The following CFAP299 variants were observed in gnomAD, a reference collection of about 807,000 sequenced individuals.
CFAP299 encodes cilia- and flagella-associated protein 299.
CFAP299 carries 21 observed loss-of-function variants against 27.0 expected under a neutral mutation model. That is an observed-to-expected ratio of 0.78 (90% CI 0.55 to 1.12). The LOEUF is 1.12. Among genes scored for constraint, CFAP299 ranks in the 50% most tolerant of loss-of-function variants. The pLI is 0.00. For synonymous variants in CFAP299, 104 were observed against 98.1 expected (o/e 1.06, Z -0.36); for missense variants, 310 against 276.6 (o/e 1.12, Z -0.86).
intron 3 of CFAP299, among the ~76,000 whole-genome samples, chr4:80,673,587 G>T (rs1199633613): frequency 1.3e-5 from 2 of 152,008 alleles, no homozygotes; most frequent in African/African-American, 4.8e-5. Context: ...TCTTGGTCTT[G>T]TTGATCTGTC....
At chr4:80,736,914 A>G (rs1723923794) in intron 3 of CFAP299, among the ~76,000 whole-genome samples, 1 of 152,188 alleles carries the variant, frequency 6.6e-6, no homozygotes, top group Admixed American at 6.5e-5. Flanking sequence ...GAACCAACCC[A>G]AATGTCCAAC....
intron 3 of CFAP299, among the ~76,000 whole-genome samples, chr4:80,799,056 A>G (rs1221582405): frequency 6.8e-6 from 1 of 146,510 alleles, no homozygotes; most frequent in Non-Finnish European, 1.5e-5. Flanking sequence ...TGTATTAGTC[A>G]GGGGTTCTGT....
At chr4:80,721,623 T>A (rs1722817225) in intron 3 of CFAP299, among the ~76,000 whole-genome samples, 1 of 152,194 alleles carries the variant, frequency 6.6e-6, no homozygotes, top group Admixed American at 6.5e-5. Flanking sequence ...ACATATGAAT[T>A]TTGGGGGGAA....
intron 2 of CFAP299, among the ~76,000 whole-genome samples, chr4:80,527,084 G>A (rs992930404): frequency 3.3e-5 from 5 of 152,116 alleles, no homozygotes; most frequent in Admixed American, 6.6e-5. Context: ...GCACACAAGT[G>A]CTTAATAGAA....
intron 3 of CFAP299, among the ~76,000 whole-genome samples, chr4:80,724,139 T>C (rs1264392208): frequency 2.0e-5 from 3 of 152,158 alleles, no homozygotes; most frequent in Non-Finnish European, 4.4e-5. Context: ...TCATTACAAA[T>C]TTGACTATAA....
At chr4:80,450,366 G>T (rs1728840111) in intron 2 of CFAP299, among the ~76,000 whole-genome samples, 1 of 152,130 alleles carries the variant, frequency 6.6e-6, no homozygotes, top group South Asian at 2.1e-4. Context: ...AGTTTTCATT[G>T]CAGATAGATG....
At chr4:80,491,892 ATCT>A (rs1164295184) in intron 2 of CFAP299, among the ~76,000 whole-genome samples, 1 of 152,326 alleles carries the variant, frequency 6.6e-6, no homozygotes, top group South Asian at 2.1e-4. Flanking sequence ...ACATAGCTAA[ATCT>A]TCTTCTTCCA....
chr4:80,823,476 T>C (rs1729816117), intron 3 of CFAP299, among the ~76,000 whole-genome samples: 1 of 152,186 alleles, frequency 6.6e-6, no homozygotes, highest in South Asian at 2.1e-4. Context: ...TGTAGGTACA[T>C]TGGCTCAGCT....
chr4:80,405,072 G>A (rs1726346834), intron 2 of CFAP299, among the ~76,000 whole-genome samples: 1 of 152,162 alleles, frequency 6.6e-6, no homozygotes, highest in Non-Finnish European at 1.5e-5. Context: ...GTTATAGGAG[G>A]TATGGACAAT....
intron 3 of CFAP299, among the ~76,000 whole-genome samples, chr4:80,617,569 T>C (rs1207702030): frequency 6.6e-6 from 1 of 152,116 alleles, no homozygotes; most frequent in African/African-American, 2.4e-5. Context: ...AATGTTCTTC[T>C]CAAATCCTAT....
chr4:80,915,324 T>C (rs1001803542), intron 4 of CFAP299, among the ~76,000 whole-genome samples: 2 of 152,038 alleles, frequency 1.3e-5, no homozygotes, highest in South Asian at 4.1e-4. Context: ...TTCTCTAGCT[T>C]GCGTAGTTTC....
intron 3 of CFAP299, among the ~76,000 whole-genome samples, chr4:80,618,278 C>T (rs992868533): frequency 8.6e-5 from 13 of 151,948 alleles, no homozygotes; most frequent in Non-Finnish European, 1.9e-4. Flanking sequence ...AGTATAAAGG[C>T]AAACTGTTTT....
chr4:80,768,053 T>C (rs968098764), intron 3 of CFAP299, among the ~76,000 whole-genome samples: 1 of 152,198 alleles, frequency 6.6e-6, no homozygotes, highest in Non-Finnish European at 1.5e-5. Context: ...GATATAAAAA[T>C]ATATTTGTGC....
At chr4:80,442,274 C>G (rs924908668) in intron 2 of CFAP299, among the ~76,000 whole-genome samples, 1 of 152,190 alleles carries the variant, frequency 6.6e-6, no homozygotes, top group Non-Finnish European at 1.5e-5. Flanking sequence ...CACCACATAG[C>G]ACTTATTCTA....
intron 2 of CFAP299, among the ~76,000 whole-genome samples, chr4:80,545,405 A>C (rs975844624): frequency 2.6e-5 from 4 of 152,092 alleles, no homozygotes; most frequent in Non-Finnish European, 5.9e-5. Context: ...GATCAATGAA[A>C]CTAAAAGTTG....
intron 2 of CFAP299, among the ~76,000 whole-genome samples, chr4:80,555,104 TTTGCC>T (rs1734721244): frequency 6.6e-6 from 1 of 152,200 alleles, no homozygotes; most frequent in South Asian, 2.1e-4. Context: ...GCTTCCAGCA[TTTGCC>T]CATTCCGTAT....
At chr4:80,660,034 A>G (rs1740758208) in intron 3 of CFAP299, among the ~76,000 whole-genome samples, 1 of 152,150 alleles carries the variant, frequency 6.6e-6, no homozygotes, top group African/African-American at 2.4e-5. Context: ...CTACTGGTTG[A>G]GCTCAGGAGA....
chr4:80,962,250 T>G (rs957991788), intron 5 of CFAP299, among the ~76,000 whole-genome samples: 2 of 152,044 alleles, frequency 1.3e-5, no homozygotes, highest in Non-Finnish European at 2.9e-5. Context: ...AGATTTCATT[T>G]AATTCATTAA....
chr4:80,616,166 A>G (rs1404139926), intron 3 of CFAP299, among the ~76,000 whole-genome samples: 1 of 152,112 alleles, frequency 6.6e-6, no homozygotes, highest in Non-Finnish European at 1.5e-5. Context: ...ACTCAACTGT[A>G]AAGTTTCACC....
Sources: allele counts gnomAD v4.1 joint callset (sites outside exome capture counted in the v4.1 genomes callset), GRCh38; gene constraint gnomAD v4.1.1; transcripts MANE v1.5; gene names NCBI Gene and HGNC (gene_info 2026-07-23, HGNC 2026-07-21).